Variants in RBFOX3 observed in about 807,000 individuals in gnomAD.
The protein encoded by RBFOX3 is RNA binding protein fox-1 homolog 3.
In RBFOX3, 17 loss-of-function variants were observed where a neutral mutation model predicts 48.7. The ratio of observed to expected loss-of-function variants is 0.35; its 90% CI spans 0.24 to 0.52. RBFOX3 has a LOEUF of 0.52. Ranked by LOEUF, RBFOX3 falls within the 20% of genes least tolerant of loss-of-function variation. The probability of loss-of-function intolerance (pLI) is 0.94; values close to 1 mark genes in which losing one functional copy is unlikely to be tolerated. For synonymous variants in RBFOX3, 212 were observed against 209.5 expected, an observed-to-expected ratio of 1.01 and a Z score of -0.10; for missense variants, 382 against 497.5, an observed-to-expected ratio of 0.77 and a Z score of 2.21.
At position 79,469,016 on chromosome 17, in the gene RBFOX3, AGGATGGAT is replaced by A. The variant is rs2076721570; in HGVS notation, c.-175+13430_-175+13437del. 4.6e-5 allele frequency among the ~76,000 whole-genome samples: 7 copies of A among 151,840 alleles called. No individual in the cohort carries two copies. In the South Asian group the frequency reaches 1.5e-3, roughly 32 times the overall value. ...GCAGATAGGCAGGCAGGCAGACAGGAGGATGGATGGATGGATAGATAGATAGACTGATT... is the reference window on the plus strand; with the variant it reads ...GCAGATAGGCAGGCAGGCAGACAGGAGGATGGATAGATAGATAGACTGATT... On this transcript the variant is annotated intron_variant, in intron 2 of 14. Transcript: ENST00000693108.
At chr17:79,511,722 C>T (rs35307816) in intron 1 of RBFOX3, among the ~76,000 whole-genome samples, 39,477 of 145,570 alleles carry the variant, frequency 0.27, 5,514 homozygotes, top group Non-Finnish European at 0.35. Flanking sequence ...GACGCACACC[C>T]GGATACATGT....
At chr17:79,216,918 AGCCTTTTTACCCCCG>A (rs2059130244) in intron 4 of RBFOX3, among the ~76,000 whole-genome samples, 1 of 152,048 alleles carries the variant, frequency 6.6e-6, no homozygotes, top group Non-Finnish European at 1.5e-5. Flanking sequence ...AGACCCCAGC[AGCCTTTTTACCCCCG>A]GCCCCTGTCT....
In RBFOX3 at chr17:79,362,658, A is replaced by G. The variant is rs779154868; in HGVS notation, c.-174-54834T>C. Among the ~76,000 whole-genome samples the G allele has an allele frequency of 2.6e-5, 4 of 152,200 alleles. No individual in the cohort carries two copies. The highest frequency in any genetic ancestry group is 5.9e-5 in the Non-Finnish European group (4 of 68,040). On this transcript the variant is annotated intron_variant, in intron 2 of 14. Coordinates refer to ENST00000693108, the MANE Select transcript of RBFOX3 (RefSeq NM_001350451.2). The surrounding 1 kb of genome is among the most constrained non-coding windows in gnomAD (Gnocchi z 4.2). ...AAAATGAGAGCCGGCCTGCCGGGCAATTGCTTCCTGTGACGGAGCCAGTTA... is the reference window on the plus strand; with the variant it reads ...AAAATGAGAGCCGGCCTGCCGGGCAGTTGCTTCCTGTGACGGAGCCAGTTA...
At chr17:79,145,160 A>G (rs2042763692) in intron 4 of RBFOX3, among the ~76,000 whole-genome samples, 1 of 152,170 alleles carries the variant, frequency 6.6e-6, no homozygotes, top group Admixed American at 6.5e-5. Context: ...CCAGAGCCCG[A>G]GTTTGGGCAC....
intron 2 of RBFOX3, among the ~76,000 whole-genome samples, chr17:79,349,823 G>A (rs1474024535): frequency 6.6e-6 from 1 of 151,830 alleles, no homozygotes; most frequent in Non-Finnish European, 1.5e-5. Flanking sequence ...AGCCGAGGTA[G>A]GCACAGCCGT....
chr17:79,344,531 CTT>C (rs1417989435), intron 2 of RBFOX3, among the ~76,000 whole-genome samples: 3 of 124,676 alleles, frequency 2.4e-5, no homozygotes, highest in African/African-American at 8.9e-5. Flanking sequence ...CATGTTGTCA[CTT>C]TGTTTGATTA....
At chr17:79,476,005 G>A (rs1555761418) in intron 2 of RBFOX3, among the ~76,000 whole-genome samples, 1 of 152,352 alleles carries the variant, frequency 6.6e-6, no homozygotes, top group Admixed American at 6.5e-5. Context: ...CGACCCAGAT[G>A]ATCTGAATTT....
chr17:79,463,039 C>T (rs1234883859), intron 2 of RBFOX3, among the ~76,000 whole-genome samples: 46 of 61,392 alleles, frequency 7.5e-4, no homozygotes, highest in Non-Finnish European at 1.6e-3. Flanking sequence ...CCACCACCAT[C>T]GCCACTGCCA....
At chr17:79,177,236 G>T (rs1376467239) in intron 4 of RBFOX3, among the ~76,000 whole-genome samples, 1 of 151,990 alleles carries the variant, frequency 6.6e-6, no homozygotes, top group African/African-American at 2.4e-5. Context: ...CCCAGCCTTG[G>T]AACCTGATAT....
intron 6 of RBFOX3, among the ~76,000 whole-genome samples, chr17:79,106,348 T>C (rs1460200738): frequency 6.6e-6 from 1 of 151,848 alleles, no homozygotes; most frequent in Admixed American, 6.6e-5. Context: ...TCAGGTGGTC[T>C]GGGGGGCATG....
rs188890273 is a variant in RBFOX3, at chr17:79,097,180, C to G, written c.755+112G>C. ...CTGGGGCTCCCACGATCCTCCCCCC[C>G]CCCAGGTCTGGAAAGGCTGCCTAGC... On this transcript the variant is annotated intron_variant, in intron 11 of 14. Transcript: ENST00000693108. 2.1e-4 allele frequency: 187 copies of G among 911,106 alleles called. 2 individuals are homozygous for G. Among genetic ancestry groups the G allele is most frequent in the Middle Eastern group, 1.7e-3 (5 of 2,866 alleles). The allele number at this position is 911,106 out of a possible 1,614,324, so 56.4% of individuals were successfully genotyped here. A position where few individuals can be genotyped will look rare whatever the true frequency, so the allele number is the denominator to read the frequency against.
the RBFOX3 span, among the ~76,000 whole-genome samples, chr17:79,651,148 C>T: frequency 1.3e-5 from 2 of 152,208 alleles, no homozygotes; most frequent in African/African-American, 2.4e-5. Context: ...CCCTTCTTGG[C>T]GGCCTTCCCT....
chr17:79,370,255 C>T (rs2058334681), intron 2 of RBFOX3, among the ~76,000 whole-genome samples: 1 of 152,230 alleles, frequency 6.6e-6, no homozygotes, highest in Admixed American at 6.5e-5. Flanking sequence ...GCTGGAGACA[C>T]CACTCTGCCC....
chr17:79,167,266 A>G (rs57176251), intron 4 of RBFOX3, among the ~76,000 whole-genome samples: 26,347 of 151,866 alleles, frequency 0.17, 3,588 homozygotes, highest in African/African-American at 0.38. Context: ...GGGGAGTGCT[A>G]GGCCCCTCTT....
At chr17:79,122,709 TC>T (rs34651956) in intron 4 of RBFOX3, among the ~76,000 whole-genome samples, 107,493 of 151,716 alleles carry the variant, frequency 0.71, 38,351 homozygotes, top group East Asian at 0.84. Context: ...CTGAGTATGT[TC>T]CCAAAAGAAA....
intron 3 of RBFOX3, among the ~76,000 whole-genome samples, chr17:79,260,317 A>G (rs970227638): frequency 5.9e-5 from 9 of 152,000 alleles, no homozygotes; most frequent in Non-Finnish European, 1.2e-4. Context: ...ATGTGCCGGC[A>G]CCTGCTCCCT....
intron 2 of RBFOX3, among the ~76,000 whole-genome samples, chr17:79,323,742 G>A (rs2078895901): frequency 6.6e-6 from 1 of 152,248 alleles, no homozygotes; most frequent in Admixed American, 6.5e-5. Flanking sequence ...CGTGCCGAGA[G>A]CTGGCGAGAG....
At chr17:79,594,336 G>A in intron 1 of RBFOX3, among the ~76,000 whole-genome samples, 1 of 152,186 alleles carries the variant, frequency 6.6e-6, no homozygotes, top group East Asian at 1.9e-4. Flanking sequence ...GGGCAGCAGG[G>A]ACAAACAAGA....
intron 4 of RBFOX3, among the ~76,000 whole-genome samples, chr17:79,145,924 G>A (rs1274084589): frequency 6.6e-6 from 1 of 152,148 alleles, no homozygotes; most frequent in Non-Finnish European, 1.5e-5. Context: ...GGGGGCAGGG[G>A]GGTGGTTGGG....
Sources: allele counts gnomAD v4.1 joint callset (sites outside exome capture counted in the v4.1 genomes callset), GRCh38; gene constraint gnomAD v4.1.1; non-coding constraint Gnocchi (gnomAD v3.1); transcripts MANE v1.5; gene names NCBI Gene and HGNC (gene_info 2026-07-23, HGNC 2026-07-21).